Variants in ESR1 observed in about 807,000 individuals in gnomAD.
ESR1 encodes estrogen receptor 1.
Under a neutral mutation model 52.7 loss-of-function variants are expected in ESR1, and 12 were observed. That is an observed-to-expected ratio of 0.23 (90% CI 0.15 to 0.37). The LOEUF (loss-of-function observed/expected upper bound fraction) is 0.37. Among genes scored for constraint, ESR1 ranks in the 10% least tolerant of loss-of-function variants. The pLI is 1.00. For synonymous variants in ESR1, 305 were observed against 316.8 expected (o/e 0.96, Z 0.39); for missense variants, 584 against 779.7 (o/e 0.75, Z 2.99).
intron 4 of ESR1, among the ~76,000 whole-genome samples, chr6:151,979,494 TA>T: frequency 6.6e-6 from 1 of 152,166 alleles, no homozygotes; most frequent in Non-Finnish European, 1.5e-5. Flanking sequence ...CTCATAATCA[TA>T]AGAGAGTTAT....
At chr6:151,827,489 A>G (rs973429668) in intron 1 of ESR1, among the ~76,000 whole-genome samples, 3 of 152,058 alleles carry the variant, frequency 2.0e-5, no homozygotes, top group Non-Finnish European at 4.4e-5. Context: ...AAAGAGAGGA[A>G]TGACCTGATC....
rs1784488672 is a variant in ESR1 at position 151,842,679 on chromosome 6, G to A, written c.535G>A (p.Ala179Thr). The A allele has an allele frequency of 2.5e-6, 4 of 1,613,842 alleles. No individual in the cohort carries two copies. In the African/African-American group the frequency reaches 5.3e-5, roughly 22 times the overall value. ...NDKGSMAMES[A>T]KETRYCAVCN... ...CAAGGGAAGTATGGCTATGGAATCT[G>A]CCAAGGAGACTCGCTACTGTGCAGT... is the stretch of plus-strand genomic sequence containing the variant. The change falls in exon 2 of 8, where the codon GCC becomes ACC. Residue 179 changes from alanine (A) to threonine (T), a missense_variant. Transcript: ENST00000206249.
chr6:151,977,568 G>T (rs1208062518), intron 4 of ESR1, among the ~76,000 whole-genome samples: 3 of 152,106 alleles, frequency 2.0e-5, no homozygotes, highest in East Asian at 3.9e-4. Context: ...GCCGAAGGAG[G>T]TGGATCGCTT....
At chr6:152,111,746 T>C (rs2051138721) in intron 6 of ESR1, among the ~76,000 whole-genome samples, 1 of 152,016 alleles carries the variant, frequency 6.6e-6, no homozygotes, top group Non-Finnish European at 1.5e-5. Context: ...ACCGTGTCGC[T>C]GTCTCGGTAG....
rs544208349 is a variant in ESR1 at position 151,657,249 on chromosome 6, T to C, written n.73+486T>C. On this transcript the variant is annotated intron_variant and non_coding_transcript_variant, in intron 1 of 2. Coordinates refer to the ESR1 transcript ENST00000473497. The stretch of plus-strand genomic sequence containing the variant: ...AGTTTTAAAAAGATGTAGCAAAATA[T>C]AGATACATTTAAGACCCACTGCACC... 7.2e-5 allele frequency among the ~76,000 whole-genome samples: 11 copies of C among 152,304 alleles called. No individual in the cohort carries two copies. In the South Asian group the frequency reaches 2.3e-3, roughly 32 times the overall value.
At chr6:152,081,042 C>T (rs1008312164) in intron 6 of ESR1, among the ~76,000 whole-genome samples, 1 of 152,138 alleles carries the variant, frequency 6.6e-6, no homozygotes, top group African/African-American at 2.4e-5. Flanking sequence ...GGAGACACCC[C>T]ACAGTCAATA....
chr6:151,751,270 G>T (rs186008679), intron 2 of ESR1, among the ~76,000 whole-genome samples: 5 of 152,242 alleles, frequency 3.3e-5, no homozygotes, highest in Admixed American at 2.6e-4. Context: ...ATGCTCATTT[G>T]TATAATTTTT....
intron 6 of ESR1, among the ~76,000 whole-genome samples, chr6:152,069,432 T>G (rs1318780511): frequency 2.2e-5 from 3 of 136,530 alleles, no homozygotes; most frequent in Non-Finnish European, 4.5e-5. Context: ...ATCAAAGATG[T>G]TATCTATAGA....
intron 6 of ESR1, among the ~76,000 whole-genome samples, chr6:152,113,379 C>T (rs1316507887): frequency 6.6e-6 from 1 of 152,074 alleles, no homozygotes; most frequent in Admixed American, 6.5e-5. Flanking sequence ...CTGCATGGGG[C>T]GGGGGGCACC....
chr6:152,034,718 G>A (rs1054821527), intron 5 of ESR1, among the ~76,000 whole-genome samples: 17 of 151,970 alleles, frequency 1.1e-4, no homozygotes, highest in African/African-American at 4.1e-4. Context: ...CATCTGCTTT[G>A]TGGACAGAAG....
intron 1 of ESR1, among the ~76,000 whole-genome samples, chr6:151,837,375 G>A (rs950213969): frequency 1.3e-5 from 2 of 151,838 alleles, no homozygotes; most frequent in Non-Finnish European, 2.9e-5. Flanking sequence ...TGGGATTACA[G>A]GCATGAGCCA....
At chr6:152,007,958 C>G (rs982786697) in intron 4 of ESR1, among the ~76,000 whole-genome samples, 4 of 152,100 alleles carry the variant, frequency 2.6e-5, no homozygotes, top group Admixed American at 2.6e-4. Context: ...TCAGAACATT[C>G]TTCCTGTTTA....
chr6:151,956,855 TATATATAA>T (rs1562594270), intron 4 of ESR1, among the ~76,000 whole-genome samples: 1 of 81,394 alleles, frequency 1.2e-5, no homozygotes, highest in Non-Finnish European at 3.2e-5. Context: ...TATATATATA[TATATATAA>T]ATATATATAT....
intron 6 of ESR1, among the ~76,000 whole-genome samples, chr6:152,079,105 G>A (rs1349054734): frequency 2.0e-5 from 3 of 152,190 alleles, no homozygotes; most frequent in Non-Finnish European, 4.4e-5. Flanking sequence ...AAACATCCCT[G>A]TCTGACACCT....
intron 4 of ESR1, among the ~76,000 whole-genome samples, chr6:151,986,572 G>A (rs1346090801): frequency 2.6e-5 from 4 of 152,110 alleles, no homozygotes; most frequent in African/African-American, 4.8e-5. Flanking sequence ...GGACCAACTT[G>A]TTGTTTTAGA....
intron 1 of ESR1, among the ~76,000 whole-genome samples, chr6:151,670,178 C>A (rs897935118): frequency 7.2e-5 from 11 of 152,186 alleles, no homozygotes; most frequent in African/African-American, 2.4e-4. Flanking sequence ...CGTGGCCGGG[C>A]CTTCCTCTAG....
intron 5 of ESR1, among the ~76,000 whole-genome samples, chr6:152,013,758 T>G (rs1166403156): frequency 6.6e-6 from 1 of 152,150 alleles, no homozygotes; most frequent in East Asian, 1.9e-4. Context: ...TATGAATGAC[T>G]AAAAGTTCTC....
chr6:152,097,401 G>GAA (rs747488512), intron 7 of ESR1, among the ~76,000 whole-genome samples: 6 of 139,250 alleles, frequency 4.3e-5, no homozygotes, highest in Non-Finnish European at 6.3e-5. Context: ...CATTTTAAAT[G>GAA]AAAAAAAAAA....
At position 152,099,134 on chromosome 6, in the gene ESR1, A is replaced by C. The variant is rs2050867790; in HGVS notation, c.*168A>C. 1.5e-6 allele frequency: 1 copy of C among 653,504 alleles called. No homozygotes were observed. The highest frequency in any genetic ancestry group is 2.8e-6 in the Non-Finnish European group (1 of 360,256). 40.5% of individuals were successfully genotyped at this position (653,504 alleles called of 1,614,324 possible). On this transcript the variant is annotated 3_prime_UTR_variant, in exon 8 of 8. Coordinates refer to ENST00000206249, the MANE Select transcript of ESR1 (RefSeq NM_000125.4). ...TTGCTTGCTCAGTTCTTAGTGGCACATCTTCTGTCTTCTGTTGGGAACAGC... is the reference window on the plus strand; with the variant it reads ...TTGCTTGCTCAGTTCTTAGTGGCACCTCTTCTGTCTTCTGTTGGGAACAGC...
Sources: gnomAD v4.1 joint callset for allele counts (sites outside exome capture counted in the v4.1 genomes callset) on GRCh38, gnomAD v4.1.1 for gene constraint, MANE v1.5 for transcripts, NCBI Gene and HGNC (gene_info 2026-07-23, HGNC 2026-07-21) for gene names.